CACNB2: variants seen among roughly 807,000 people sequenced by gnomAD.
CACNB2 encodes the protein voltage-dependent L-type calcium channel subunit beta-2.
CACNB2 carries 42 observed loss-of-function variants against 73.3 expected under a neutral mutation model. That is an observed-to-expected ratio of 0.57 (90% confidence interval 0.45 to 0.74). CACNB2 has a LOEUF of 0.74. Among genes scored for constraint, CACNB2 ranks in the 30% least tolerant of loss-of-function variants. The pLI, the probability that CACNB2 is intolerant of heterozygous loss-of-function variation, is 0.00. For missense variants in CACNB2, 940 were observed against 853.0 expected, an observed-to-expected ratio of 1.10 and a Z score of -1.27; for synonymous variants, 348 against 310.3, an observed-to-expected ratio of 1.12 and a Z score of -1.28.
chr10:18,492,726 A>G (rs1248268133), intron 3 of CACNB2, among the ~76,000 whole-genome samples: 2 of 152,196 alleles, frequency 1.3e-5, no homozygotes, highest in East Asian at 3.8e-4. Flanking sequence ...AAGAATCTAT[A>G]TCACAGAAAA....
At chr10:18,520,048 CTAAG>C in intron 9 of CACNB2, 1 of 254,462 alleles carries the variant, frequency 3.9e-6, no homozygotes, top group South Asian at 4.4e-5. Flanking sequence ...CAGCCCAGGG[CTAAG>C]CTCTATGATG....
At chr10:18,154,282 T>A (rs1301891931) in intron 2 of CACNB2, among the ~76,000 whole-genome samples, 1 of 150,858 alleles carries the variant, frequency 6.6e-6, no homozygotes, top group Admixed American at 6.6e-5. Context: ...AGGAAAGGAA[T>A]TAAGAACTTT....
At position 18,461,867 on chromosome 10, in the gene CACNB2, G is replaced by T. The variant is rs771757762; in HGVS notation, c.334-36488G>T. 6.9e-5 allele frequency among the ~76,000 whole-genome samples: 10 copies of T among 143,936 alleles called. No individual in the cohort carries two copies. The South Asian group carries it at 2.2e-3, about 32-fold the overall frequency. The allele number at this position is 143,936 out of a possible 152,430, so 94.4% of individuals were successfully genotyped here. On this transcript the variant is annotated intron_variant, in intron 3 of 13. Coordinates refer to ENST00000324631, the MANE Select transcript of CACNB2 (RefSeq NM_201596.3). Reference sequence around the variant, plus strand: ...CCAGTGGCTTCCAATCTATCCTTTGGCACTCGAGGAGGGAGTTTATCCAGT... The same window carrying T: ...CCAGTGGCTTCCAATCTATCCTTTGTCACTCGAGGAGGGAGTTTATCCAGT...
intron 3 of CACNB2, among the ~76,000 whole-genome samples, chr10:18,438,625 G>C (rs1175384610): frequency 2.0e-5 from 3 of 152,336 alleles, no homozygotes; most frequent in South Asian, 4.1e-4. Context: ...TCCCAAAAAG[G>C]CCGTTTCTTC....
chr10:18,152,435 A>G (rs1042477066), intron 2 of CACNB2, among the ~76,000 whole-genome samples: 4 of 152,138 alleles, frequency 2.6e-5, no homozygotes, highest in African/African-American at 9.7e-5. Flanking sequence ...GCTATGTTCT[A>G]ATGGTGTCAG....
intron 2 of CACNB2, among the ~76,000 whole-genome samples, chr10:18,245,084 A>ATTT (rs11400611): frequency 0.02 from 3,068 of 149,734 alleles, 64 homozygotes; most frequent in African/African-American, 0.05. Context: ...ACAGCCTTGG[A>ATTT]TTTTTTTTTT....
intron 3 of CACNB2, among the ~76,000 whole-genome samples, chr10:18,423,840 G>A (rs1163202103): frequency 6.6e-6 from 1 of 152,048 alleles, no homozygotes; most frequent in Non-Finnish European, 1.5e-5. Context: ...CATGATTACT[G>A]GAAAGAGTTT....
At chr10:18,302,997 C>T (rs1351820386) in intron 2 of CACNB2, among the ~76,000 whole-genome samples, 1 of 152,134 alleles carries the variant, frequency 6.6e-6, no homozygotes, top group Non-Finnish European at 1.5e-5. Context: ...TAGTTTCACA[C>T]CTGTAATCAG....
chr10:18,533,104 A>C (rs2053227037), intron 10 of CACNB2: 1 of 152,232 alleles, frequency 6.6e-6, no homozygotes, highest in African/African-American at 2.4e-5. Context: ...CAACGGCCTA[A>C]GAGGAATTAA....
intron 2 of CACNB2, among the ~76,000 whole-genome samples, chr10:18,208,132 C>T (rs2131339481): frequency 6.6e-6 from 1 of 152,226 alleles, no homozygotes; most frequent in South Asian, 2.1e-4. Context: ...TAAATGAGCC[C>T]ATGGACTGAT....
At position 18,347,344 on chromosome 10, in the gene CACNB2, A is replaced by ATTTTTT. The variant is rs201654242; in HGVS notation, c.214-54556_214-54551dup. On this transcript the variant is annotated intron_variant, in intron 2 of 13. Transcript: ENST00000324631. ...AGGCGCATGCCGCCATGCCCGTCTA[A>ATTTTTT]TTTTTTTTTTTTTTTTTTTTTTTTT... Among the ~76,000 whole-genome samples, 69 of 120,806 alleles carry ATTTTTT rather than the reference A, an allele frequency of 5.7e-4. 2 individuals carry two copies. Among genetic ancestry groups the ATTTTTT allele is most frequent in the East Asian group, 1.7e-3 (5 of 2,944 alleles). 79.3% of individuals were successfully genotyped at this position (120,806 alleles called of 152,430 possible). A position where few individuals can be genotyped will look rare whatever the true frequency, so the allele number is the denominator to read the frequency against.
At chr10:18,280,860 G>A (rs2038513475) in intron 2 of CACNB2, among the ~76,000 whole-genome samples, 1 of 152,120 alleles carries the variant, frequency 6.6e-6, no homozygotes, top group African/African-American at 2.4e-5. Context: ...GTGGCCCAGG[G>A]GCAGGAAAGA....
intron 3 of CACNB2, among the ~76,000 whole-genome samples, chr10:18,404,625 T>C (rs887161927): frequency 2.0e-5 from 3 of 152,172 alleles, no homozygotes; most frequent in Non-Finnish European, 4.4e-5. Context: ...ACCTTACAGA[T>C]CACATGTAAT....
At chr10:18,195,780 T>A (rs1477714872) in intron 2 of CACNB2, among the ~76,000 whole-genome samples, 1 of 152,170 alleles carries the variant, frequency 6.6e-6, no homozygotes, top group Non-Finnish European at 1.5e-5. Context: ...TCTCCTTGAG[T>A]TGTTGCAGAA....
At position 18,140,769 on chromosome 10, in the gene CACNB2, C is replaced by T. The variant is rs770888729; in HGVS notation, c.33C>T (p.Pro11=). ...AAAGGGACATGTCCAAGTCGCCTCC[C>T]ACAGCGGCGGCGGCGGTGGCGCAGG... MVQRDMSKSP[P]TAAAAVAQEI... The change falls in exon 1 of 14, where the codon CCC becomes CCT. Residue 11 remains proline, a synonymous_variant. Coordinates refer to ENST00000324631, the MANE Select transcript of CACNB2 (RefSeq NM_201596.3). 5.6e-6 allele frequency: 9 copies of T among 1,597,686 alleles called. No homozygotes were observed. Among genetic ancestry groups the T allele is most frequent in the Middle Eastern group, 3.4e-4 (2 of 5,942 alleles).
intron 2 of CACNB2, among the ~76,000 whole-genome samples, chr10:18,168,725 C>T (rs948597877): frequency 6.6e-6 from 1 of 152,120 alleles, no homozygotes; most frequent in African/African-American, 2.4e-5. Context: ...TCTTCTGATG[C>T]CGTGTGATCC....
chr10:18,220,228 T>TAGAGAGAG (rs1399883516), intron 2 of CACNB2, among the ~76,000 whole-genome samples: 23 of 40,930 alleles, frequency 5.6e-4, no homozygotes, highest in East Asian at 9.2e-4. Flanking sequence ...TATATATATA[T>TAGAGAGAG]ATATAGAGAG....
At chr10:18,194,644 G>C (rs777973446) in intron 2 of CACNB2, among the ~76,000 whole-genome samples, 5 of 152,150 alleles carry the variant, frequency 3.3e-5, no homozygotes, top group Non-Finnish European at 7.4e-5. Context: ...AGATGGGTGT[G>C]GGGGAGATAT....
chr10:18,496,185 CAAA>C (rs57139534), intron 3 of CACNB2, among the ~76,000 whole-genome samples: 1 of 84,096 alleles, frequency 1.2e-5, no homozygotes, highest in Non-Finnish European at 2.2e-5. Context: ...GACTCAGTCT[CAAA>C]AAAAAAAAAA....
Sources: gnomAD v4.1 joint callset for allele counts (sites outside exome capture counted in the v4.1 genomes callset) on GRCh38, gnomAD v4.1.1 for gene constraint, MANE v1.5 for transcripts, NCBI Gene and HGNC (gene_info 2026-07-23, HGNC 2026-07-21) for gene names.